Variants in DLGAP2 observed in about 807,000 individuals in gnomAD.
The protein encoded by DLGAP2 is disks large-associated protein 2.
A neutral mutation model predicts 100.3 loss-of-function variants in DLGAP2; 26 were observed. That is an observed-to-expected ratio of 0.26 (90% CI 0.19 to 0.36). The LOEUF is 0.36. Among genes scored for constraint, DLGAP2 ranks in the 10% least tolerant of loss-of-function variants. The pLI is 1.00. For missense variants in DLGAP2, 1,858 were observed against 1,453.2 expected, an observed-to-expected ratio of 1.28 and a Z score of -4.53; for synonymous variants, 886 against 630.1, an observed-to-expected ratio of 1.41 and a Z score of -6.08.
At chr8:1,355,302 C>T (rs1047277687) in intron 3 of DLGAP2, among the ~76,000 whole-genome samples, 3 of 152,242 alleles carry the variant, frequency 2.0e-5, no homozygotes, top group Non-Finnish European at 4.4e-5. Context: ...GGGGTTGTCT[C>T]TGGGTGGTGA....
intron 3 of DLGAP2, among the ~76,000 whole-genome samples, chr8:1,359,454 T>G (rs1316460734): frequency 6.6e-6 from 1 of 152,200 alleles, no homozygotes; most frequent in Non-Finnish European, 1.5e-5. Flanking sequence ...CCCAGGAACG[T>G]GGGCGTGGGG....
At chr8:1,257,405 C>A (rs1392580882) in intron 2 of DLGAP2, among the ~76,000 whole-genome samples, 1 of 152,098 alleles carries the variant, frequency 6.6e-6, no homozygotes, top group East Asian at 1.9e-4. Context: ...CTCCTGAACG[C>A]CCTCCGCTCA....
rs148385685 is a variant in DLGAP2 at position 911,037 on chromosome 8, T to G, written c.73+3071T>G. Among the ~76,000 whole-genome samples the G allele has an allele frequency of 3.4e-3, 518 of 152,208 alleles. 4 individuals carry two copies. The highest frequency in any genetic ancestry group is 0.014 in the Middle Eastern group (4 of 294). ...CCTGCTTGGAGCTGGAATCCTCATT[T>G]AAGGAGTGACTTCTTCACAAACATC... On this transcript the variant is annotated intron_variant, in intron 2 of 14. Transcript: ENST00000637795.
chr8:1,685,520 C>T (rs990753391), intron 12 of DLGAP2, among the ~76,000 whole-genome samples: 1 of 152,186 alleles, frequency 6.6e-6, no homozygotes, highest in African/African-American at 2.4e-5. Flanking sequence ...AACCCACTGA[C>T]CAGGCCTCTG....
intron 3 of DLGAP2, among the ~76,000 whole-genome samples, chr8:1,278,199 G>A (rs1472039213): frequency 6.6e-6 from 1 of 152,162 alleles, no homozygotes; most frequent in Non-Finnish European, 1.5e-5. Context: ...AGAGCTGTAT[G>A]CGTCGGACAA....
intron 6 of DLGAP2, among the ~76,000 whole-genome samples, chr8:1,615,103 A>G (rs1797108081): frequency 6.6e-6 from 1 of 152,240 alleles, no homozygotes; most frequent in Non-Finnish European, 1.5e-5. Context: ...GGTGGGGGTC[A>G]GAACAGAAGG....
At chr8:1,118,282 G>A (rs1795943383) in intron 2 of DLGAP2, among the ~76,000 whole-genome samples, 1 of 152,198 alleles carries the variant, frequency 6.6e-6, no homozygotes, top group Non-Finnish European at 1.5e-5. Flanking sequence ...CTCTGGTGCT[G>A]ATTCCAGCAT....
At chr8:1,012,059 G>A (rs1045610859) in intron 2 of DLGAP2, among the ~76,000 whole-genome samples, 4 of 152,334 alleles carry the variant, frequency 2.6e-5, no homozygotes, top group African/African-American at 9.6e-5. Flanking sequence ...CACATGCCAG[G>A]TCCTTCACAT....
At chr8:1,178,119 C>T (rs1797302105) in intron 2 of DLGAP2, among the ~76,000 whole-genome samples, 1 of 152,190 alleles carries the variant, frequency 6.6e-6, no homozygotes, top group Non-Finnish European at 1.5e-5. Flanking sequence ...CCCCAGAATC[C>T]AAGGCCTTGG....
chr8:1,118,541 A>G (rs1003003430), intron 2 of DLGAP2, among the ~76,000 whole-genome samples: 2 of 133,244 alleles, frequency 1.5e-5, no homozygotes, highest in Non-Finnish European at 3.3e-5. Flanking sequence ...GCGAATAGAA[A>G]TGAATGGGGC....
rs536868179 is a variant in DLGAP2 at position 1,194,958 on chromosome 8, C to T, written c.74-63893C>T. ...TACCAACGGACAGTCAGGGCTGTCC[C>T]AGCATAGGGCTGCACCCCCTCCGCT... is the stretch of plus-strand genomic sequence containing the variant. On this transcript the variant is annotated intron_variant, in intron 2 of 14. Transcript: ENST00000637795. Among the ~76,000 whole-genome samples, 3 of 152,230 alleles carry T rather than the reference C, an allele frequency of 2.0e-5. No individual in the cohort carries two copies. The South Asian group carries it at 6.2e-4, about 32-fold the overall frequency.
intron 1 of DLGAP2, among the ~76,000 whole-genome samples, chr8:829,405 G>C (rs566189168): frequency 6.6e-6 from 1 of 152,284 alleles, no homozygotes; most frequent in African/African-American, 2.4e-5. Flanking sequence ...GAGAACACTT[G>C]TCTTATTACC....
At chr8:1,155,735 G>T (rs1160839621) in intron 2 of DLGAP2, among the ~76,000 whole-genome samples, 2 of 152,186 alleles carry the variant, frequency 1.3e-5, no homozygotes, top group African/African-American at 2.4e-5. Flanking sequence ...CGCGCGGGCT[G>T]CGTCCCTGGA....
At chr8:905,036 C>T (rs577172563) in intron 1 of DLGAP2, among the ~76,000 whole-genome samples, 11 of 152,298 alleles carry the variant, frequency 7.2e-5, no homozygotes, top group African/African-American at 1.7e-4. Context: ...CTGCCTGTGA[C>T]TGTGGCGGGT....
intron 2 of DLGAP2, among the ~76,000 whole-genome samples, chr8:1,230,676 C>A (rs1349267167): frequency 6.6e-6 from 1 of 152,060 alleles, no homozygotes; most frequent in African/African-American, 2.4e-5. Flanking sequence ...ACCAACAGAA[C>A]AGAATATACA....
intron 2 of DLGAP2, among the ~76,000 whole-genome samples, chr8:1,018,477 C>T (rs554050130): frequency 2.1e-4 from 32 of 152,242 alleles, no homozygotes; most frequent in Non-Finnish European, 4.1e-4. Flanking sequence ...CTGCCAGGCT[C>T]AGCCAGGCCT....
At chr8:1,414,556 G>C (rs372840737) in intron 3 of DLGAP2, among the ~76,000 whole-genome samples, 1 of 152,240 alleles carries the variant, frequency 6.6e-6, no homozygotes, top group African/African-American at 2.4e-5. Flanking sequence ...GTGGGTCCCA[G>C]TGCAGAGTCC....
At chr8:1,184,317 A>G (rs545088199) in intron 2 of DLGAP2, among the ~76,000 whole-genome samples, 1 of 152,262 alleles carries the variant, frequency 6.6e-6, no homozygotes, top group Admixed American at 6.5e-5. Context: ...ACAGGTGCTC[A>G]GTAGTGGGAG....
rs977549472 is a variant in DLGAP2, at chr8:883,709, C to T, written c.19-24203C>T. On this transcript the variant is annotated intron_variant, in intron 1 of 14. Coordinates refer to ENST00000637795, the MANE Select transcript of DLGAP2 (RefSeq NM_001346810.2). ...GTTCGTTACGTAGGTGCGCGTGTGCCGCGGCCGTTCGTTACGTAGGAGCGC... is the reference window on the plus strand; with the variant it reads ...GTTCGTTACGTAGGTGCGCGTGTGCTGCGGCCGTTCGTTACGTAGGAGCGC... 2.6e-5 allele frequency among the ~76,000 whole-genome samples: 4 copies of T among 151,826 alleles called. No homozygotes were observed. In the East Asian group the frequency reaches 5.9e-4, roughly 22 times the overall value.
Sources: gnomAD v4.1 joint callset for allele counts (sites outside exome capture counted in the v4.1 genomes callset) on GRCh38, gnomAD v4.1.1 for gene constraint, MANE v1.5 for transcripts, NCBI Gene and HGNC (gene_info 2026-07-23, HGNC 2026-07-21) for gene names.